Variants in H2BC5 observed in about 807,000 individuals in gnomAD.
H2BC5 encodes histone H2B type 1-D.
In H2BC5, 9 loss-of-function variants were observed where a neutral mutation model predicts 5.7. The observed-to-expected ratio is 1.57, with a 90% CI of 0.95 to 2.74. The LOEUF is 2.74. Among genes scored for constraint, H2BC5 ranks in the 30% most tolerant of loss-of-function variants. H2BC5 has a pLI of 0.00. For missense variants in H2BC5, 175 were observed against 168.8 expected, an observed-to-expected ratio of 1.04 and a Z score of -0.20; for synonymous variants, 133 against 70.9, an observed-to-expected ratio of 1.88 and a Z score of -4.40.
rs149327514 is a variant in H2BC5, at chr6:26,166,908, C to T, written c.*10-4067C>T. Among the ~76,000 whole-genome samples the T allele has an allele frequency of 4.2e-4, 63 of 151,650 alleles. No individual in the cohort carries two copies. In the East Asian group the frequency reaches 0.01, roughly 25 times the overall value. The stretch of plus-strand genomic sequence containing the variant: ...TAGAGATGGGGTTTCACCATGTTGA[C>T]GAGGCTGGTCTCGAACTCCTGACCT... On this transcript the variant is annotated intron_variant, in intron 1 of 1. Coordinates refer to the H2BC5 transcript ENST00000289316.
chr6:26,169,208 T>C (rs910502724), intron 1 of H2BC5, among the ~76,000 whole-genome samples: 4 of 152,180 alleles, frequency 2.6e-5, no homozygotes, highest in African/African-American at 7.2e-5. Context: ...AGAAATCAAA[T>C]AGAAGAAATT....
rs190867919 is a variant in H2BC5, at chr6:26,169,573, T to C, written c.*10-1402T>C. Among the ~76,000 whole-genome samples, 409 of 152,224 alleles carry C rather than the reference T, an allele frequency of 2.7e-3. 4 individuals are homozygous for C. Among genetic ancestry groups the C allele is most frequent in the African/African-American group, 9.2e-3 (381 of 41,520 alleles). ...ACAAAACAATATTTTATAAATATTA[T>C]AGCCAAGTTACAATTACTTTCTAGG... On this transcript the variant is annotated intron_variant, in intron 1 of 1. Coordinates refer to the H2BC5 transcript ENST00000289316.
At chr6:26,159,978 ATCT>A (rs1359035516), downstream of H2BC5, among the ~76,000 whole-genome samples, 1 of 152,190 alleles carries the variant, frequency 6.6e-6, no homozygotes, top group African/African-American at 2.4e-5. Context: ...AGCCTGATAT[ATCT>A]TCTTAGGTGA....
intron 1 of H2BC5, among the ~76,000 whole-genome samples, chr6:26,170,371 A>C (rs1246180096): frequency 6.6e-6 from 1 of 152,166 alleles, no homozygotes; most frequent in African/African-American, 2.4e-5. Context: ...AGACTCTCAA[A>C]ACGTATTTGC....
chr6:26,159,190 C>T (rs1317706893), downstream of H2BC5, among the ~76,000 whole-genome samples: 1 of 148,508 alleles, frequency 6.7e-6, no homozygotes, highest in African/African-American at 2.5e-5. Context: ...TTCTGAGACA[C>T]CTTAAAATTC....
intron 1 of H2BC5, among the ~76,000 whole-genome samples, chr6:26,164,991 C>T (rs1764399376): frequency 6.6e-6 from 1 of 152,102 alleles, no homozygotes; most frequent in South Asian, 2.1e-4. Context: ...CTCCCCAGCC[C>T]AGAGAGATGC....
chr6:26,168,905 G>A (rs922895371), intron 1 of H2BC5, among the ~76,000 whole-genome samples: 2 of 152,164 alleles, frequency 1.3e-5, no homozygotes, highest in African/African-American at 4.8e-5. Context: ...ATTCTCTAGT[G>A]CATGATTGTT....
chr6:26,158,609 G>GT, downstream of H2BC5: 1 of 1,590,728 alleles, frequency 6.3e-7, no homozygotes. Context: ...AGCCACGCAT[G>GT]TTTTCAATAA....
chr6:26,164,888 C>T (rs1319359150), intron 1 of H2BC5, among the ~76,000 whole-genome samples: 5 of 152,038 alleles, frequency 3.3e-5, no homozygotes, highest in Admixed American at 6.6e-5. Context: ...TGCCCTTCTG[C>T]CATCTTCTGG....
At chr6:26,166,866 A>C (rs1764440086) in intron 1 of H2BC5, among the ~76,000 whole-genome samples, 2 of 150,670 alleles carry the variant, frequency 1.3e-5, no homozygotes, top group South Asian at 4.2e-4. Flanking sequence ...ATGTCCAACT[A>C]ATTTTTATAC....
intron 1 of H2BC5, among the ~76,000 whole-genome samples, chr6:26,167,450 G>C (rs772417243): frequency 6.6e-6 from 1 of 152,148 alleles, no homozygotes; most frequent in African/African-American, 2.4e-5. Context: ...AGCCTAGACC[G>C]CTGGGGCTCA....
chr6:26,168,462 A>T (rs953597718), intron 1 of H2BC5, among the ~76,000 whole-genome samples: 4 of 150,112 alleles, frequency 2.7e-5, no homozygotes, highest in African/African-American at 9.7e-5. Context: ...CCATTTTTTA[A>T]AAAAAAAAAA....
chr6:26,164,613 T>A (rs1764394108), intron 1 of H2BC5, among the ~76,000 whole-genome samples: 2 of 151,110 alleles, frequency 1.3e-5, no homozygotes, highest in Admixed American at 1.3e-4. Context: ...TATATATATA[T>A]AATTTTAAAT....
At chr6:26,164,163 A>G in intron 1 of H2BC5, 1 of 450,752 alleles carries the variant, frequency 2.2e-6, no homozygotes, top group Non-Finnish European at 4.5e-6. Flanking sequence ...CACAAGCAAC[A>G]CTCAGTGGTA....
downstream of H2BC5, among the ~76,000 whole-genome samples, chr6:26,158,936 GACAACTTCCTT>G (rs1246109359): frequency 6.6e-6 from 1 of 152,172 alleles, no homozygotes; most frequent in Admixed American, 6.5e-5. Context: ...GCACGCTCTT[GACAACTTCCTT>G]ATGTTTGGAG....
At chr6:26,159,498 G>A (rs1405142911), downstream of H2BC5, among the ~76,000 whole-genome samples, 3 of 152,050 alleles carry the variant, frequency 2.0e-5, no homozygotes, top group Non-Finnish European at 1.5e-5. Flanking sequence ...AAGGTAGGAT[G>A]ATGACAAAAG....
chr6:26,158,865 A>G (rs1018053722), downstream of H2BC5, among the ~76,000 whole-genome samples: 7 of 152,122 alleles, frequency 4.6e-5, no homozygotes, highest in African/African-American at 1.7e-4. Flanking sequence ...CAGATTTCCA[A>G]GTTGATCGTG....
chr6:26,160,380 A>G (rs1203021239), downstream of H2BC5, among the ~76,000 whole-genome samples: 1 of 152,150 alleles, frequency 6.6e-6, no homozygotes. Flanking sequence ...TCATGAAACT[A>G]GAAGTATGAC....
chr6:26,169,135 T>C (rs1050325673), intron 1 of H2BC5, among the ~76,000 whole-genome samples: 2 of 152,002 alleles, frequency 1.3e-5, no homozygotes, highest in Non-Finnish European at 2.9e-5. Context: ...TAGGTAATAG[T>C]AAAAAAATGT....
Sources: gnomAD v4.1 joint callset for allele counts (sites outside exome capture counted in the v4.1 genomes callset) on GRCh38, gnomAD v4.1.1 for gene constraint, MANE v1.5 for transcripts, NCBI Gene and HGNC (gene_info 2026-07-23, HGNC 2026-07-21) for gene names.